The following PPM1E variants were observed in gnomAD, a reference collection of about 807,000 sequenced individuals.
PPM1E encodes the protein protein phosphatase 1E.
Under a neutral mutation model 65.9 loss-of-function variants are expected in PPM1E, and 20 were observed. The ratio of observed to expected loss-of-function variants is 0.30; its 90% CI spans 0.21 to 0.44. The LOEUF is 0.44. Among genes scored for constraint, PPM1E ranks in the 20% least tolerant of loss-of-function variants. PPM1E has a pLI of 1.00. For synonymous variants in PPM1E, 352 were observed against 374.9 expected, an observed-to-expected ratio of 0.94 and a Z score of 0.70; for missense variants, 713 against 953.1, an observed-to-expected ratio of 0.75 and a Z score of 3.32.
chr17:58,890,496 T>C (rs2051331648), intron 1 of PPM1E, among the ~76,000 whole-genome samples: 2 of 152,154 alleles, frequency 1.3e-5, no homozygotes, highest in South Asian at 4.1e-4. Flanking sequence ...GTAACTCAAA[T>C]TTTTACCACT....
intron 1 of PPM1E, among the ~76,000 whole-genome samples, chr17:58,828,114 G>A (rs539070306): frequency 8.6e-5 from 13 of 151,600 alleles, no homozygotes; most frequent in Middle Eastern, 3.5e-3. Flanking sequence ...AGCTTCTAGG[G>A]AGGCTGAGGC....
rs373282983 is a variant in PPM1E, at chr17:58,756,471, C to T, written c.464+10C>T. Reference sequence around the variant, plus strand: ...AGCAGCTCTACAAATAGTTAAGTAGCTGGGCTTGGCTGGTGGTGGGCCCGC... The same window carrying T: ...AGCAGCTCTACAAATAGTTAAGTAGTTGGGCTTGGCTGGTGGTGGGCCCGC... On this transcript the variant is annotated intron_variant, in intron 1 of 6. Transcript: ENST00000308249. The T allele has an allele frequency of 7.8e-7, 1 of 1,275,802 alleles. No homozygotes were observed. The highest frequency in any genetic ancestry group is 9.9e-7 in the Non-Finnish European group (1 of 1,009,152). The allele number at this position is 1,275,802 out of a possible 1,614,324, so 79.0% of individuals were successfully genotyped here.
intron 1 of PPM1E, among the ~76,000 whole-genome samples, chr17:58,775,351 T>G (rs900725869): frequency 2.0e-5 from 3 of 152,108 alleles, no homozygotes; most frequent in African/African-American, 4.8e-5. Flanking sequence ...TTTACACAAC[T>G]GATAAGTAGC....
At chr17:58,894,580 T>C (rs1199362519) in intron 1 of PPM1E, among the ~76,000 whole-genome samples, 2 of 152,132 alleles carry the variant, frequency 1.3e-5, no homozygotes, top group Non-Finnish European at 2.9e-5. Flanking sequence ...ATTATGAAAA[T>C]AGTTCTGACT....
intron 2 of PPM1E, among the ~76,000 whole-genome samples, chr17:58,959,096 G>A (rs1375852006): frequency 6.6e-6 from 1 of 151,638 alleles, no homozygotes; most frequent in Non-Finnish European, 1.5e-5. Context: ...ATCACCTGAG[G>A]TTGGGAGTTC....
intron 1 of PPM1E, among the ~76,000 whole-genome samples, chr17:58,806,392 A>G (rs2050314537): frequency 1.3e-5 from 2 of 152,158 alleles, no homozygotes; most frequent in African/African-American, 4.8e-5. Context: ...ATTGAGTTGA[A>G]AGAATAATTA....
chr17:58,970,948 G>C (rs1031738441), intron 4 of PPM1E, among the ~76,000 whole-genome samples: 15 of 151,800 alleles, frequency 9.9e-5, no homozygotes, highest in African/African-American at 3.6e-4. Flanking sequence ...TTTTTCCTCT[G>C]TCTTCTCAAA....
At chr17:58,828,220 GTAA>G (rs1419645848) in intron 1 of PPM1E, among the ~76,000 whole-genome samples, 2 of 150,980 alleles carry the variant, frequency 1.3e-5, no homozygotes, top group Non-Finnish European at 3.0e-5. Flanking sequence ...ATCTCAAATA[GTAA>G]TAATAATAAT....
At chr17:58,904,754 TG>T (rs926038535) in intron 1 of PPM1E, among the ~76,000 whole-genome samples, 1 of 151,912 alleles carries the variant, frequency 6.6e-6, no homozygotes, top group African/African-American at 2.4e-5. Flanking sequence ...TGTTTCATTT[TG>T]GGGGGTGCTA....
chr17:58,788,270 C>T (rs916947388), intron 1 of PPM1E, among the ~76,000 whole-genome samples: 7 of 152,074 alleles, frequency 4.6e-5, no homozygotes, highest in East Asian at 1.9e-4. Context: ...AGGCTGATCT[C>T]GTACTCTTGA....
At chr17:58,978,049 A>G (rs1289788340) in intron 6 of PPM1E, among the ~76,000 whole-genome samples, 1 of 152,206 alleles carries the variant, frequency 6.6e-6, no homozygotes, top group African/African-American at 2.4e-5. Flanking sequence ...TCTTGTGTCA[A>G]AGAGAACCTA....
intron 1 of PPM1E, among the ~76,000 whole-genome samples, chr17:58,858,483 C>G (rs1054058754): frequency 5.9e-5 from 9 of 152,026 alleles, no homozygotes; most frequent in Admixed American, 4.6e-4. Context: ...TTCTCAGCCT[C>G]TAATATTTTC....
chr17:58,765,129 TA>T (rs2144152107), intron 1 of PPM1E, among the ~76,000 whole-genome samples: 1 of 152,208 alleles, frequency 6.6e-6, no homozygotes, highest in African/African-American at 2.4e-5. Flanking sequence ...TTGCAATTCT[TA>T]TTACTGATTA....
chr17:58,807,625 C>A (rs1468900412), intron 1 of PPM1E, among the ~76,000 whole-genome samples: 1 of 151,786 alleles, frequency 6.6e-6, no homozygotes, highest in Non-Finnish European at 1.5e-5. Context: ...TAAAAAAATA[C>A]AAAGATAAGT....
At chr17:58,886,911 A>T (rs2051272349) in intron 1 of PPM1E, among the ~76,000 whole-genome samples, 1 of 152,162 alleles carries the variant, frequency 6.6e-6, no homozygotes, top group East Asian at 1.9e-4. Flanking sequence ...GGCAAAGAGC[A>T]TATGGGAACT....
chr17:58,972,349 C>A, intron 5 of PPM1E, 74 bp downstream of exon 5: 2 of 1,453,608 alleles, frequency 1.4e-6, no homozygotes, highest in South Asian at 1.3e-5. Flanking sequence ...GATTAGGATT[C>A]ACTTACTTTT....
At chr17:58,973,052 A>C in intron 6 of PPM1E, 127 bp downstream of exon 6, 1 of 609,400 alleles carries the variant, frequency 1.6e-6, no homozygotes, top group East Asian at 2.9e-5. Flanking sequence ...CTTTAAAATA[A>C]TAATTGGATA....
chr17:58,766,343 A>G (rs568300379), intron 1 of PPM1E, among the ~76,000 whole-genome samples: 65 of 151,238 alleles, frequency 4.3e-4, no homozygotes, highest in Non-Finnish European at 7.4e-4. Flanking sequence ...CTTGGATTAC[A>G]GGTGCGGGCC....
intron 1 of PPM1E, among the ~76,000 whole-genome samples, chr17:58,869,805 G>A (rs962995397): frequency 6.6e-6 from 1 of 152,152 alleles, no homozygotes; most frequent in Non-Finnish European, 1.5e-5. Context: ...CTTTGGCAGT[G>A]TTGCAGGCCC....
Sources: gnomAD v4.1 joint callset for allele counts (sites outside exome capture counted in the v4.1 genomes callset) on GRCh38, gnomAD v4.1.1 for gene constraint, MANE v1.5 for transcripts, NCBI Gene and HGNC (gene_info 2026-07-23, HGNC 2026-07-21) for gene names.